PRKRIP1: variants seen among roughly 807,000 people sequenced by gnomAD.
The protein encoded by PRKRIP1 is PRKR-interacting protein 1.
PRKRIP1 carries 29 observed loss-of-function variants against 29.3 expected under a neutral mutation model. That is an observed-to-expected ratio of 0.99 (90% CI 0.74 to 1.35). The LOEUF (loss-of-function observed/expected upper bound fraction) is 1.35. Among genes scored for constraint, PRKRIP1 ranks in the 40% most tolerant of loss-of-function variants. The pLI, the probability that PRKRIP1 is intolerant of heterozygous loss-of-function variation, is 0.00. For missense variants in PRKRIP1, 247 were observed against 236.8 expected (o/e 1.04, Z -0.28); for synonymous variants, 90 against 85.1 (o/e 1.06, Z -0.32).
intron 5 of PRKRIP1, among the ~76,000 whole-genome samples, chr7:102,408,552 G>T (rs2133181177): frequency 6.6e-6 from 1 of 151,590 alleles, no homozygotes; most frequent in South Asian, 2.1e-4. Context: ...GAATAAGGGT[G>T]GGGGGCCCCA....
Position 102,397,706 on chromosome 7 carries a change from CTGTGTGTGTGTGTGTGTGTG to C in PRKRIP1, c.205+20_205+39del. The C allele has an allele frequency of 2.3e-6, 3 of 1,330,006 alleles. No homozygotes were observed. The highest frequency in any genetic ancestry group is 3.1e-6 in the Non-Finnish European group (3 of 956,906). The allele number at this position is 1,330,006 out of a possible 1,614,324, so 82.4% of individuals were successfully genotyped here. A position where few individuals can be genotyped will look rare whatever the true frequency, so the allele number is the denominator to read the frequency against. ...TTGTCCGAGATGTCATGGGTAATGG[CTGTGTGTGTGTGTGTGTGTG>C]TGTGTGTGTGTAAATATAATTTTTT... On this transcript the variant is annotated intron_variant, in intron 2 of 5. Coordinates refer to ENST00000397912, the MANE Select transcript of PRKRIP1 (RefSeq NM_024653.4).
chr7:102,408,118 T>C (rs1347087578), intron 5 of PRKRIP1, among the ~76,000 whole-genome samples: 1 of 152,146 alleles, frequency 6.6e-6, no homozygotes, highest in East Asian at 1.9e-4. Flanking sequence ...TTCCCTGGCC[T>C]TTACCCTGAG....
rs1796263344 is a variant in PRKRIP1, at chr7:102,407,450, A to G, written c.409A>G (p.Lys137Glu). 3 of 1,611,046 alleles carry G rather than the reference A, an allele frequency of 1.9e-6. No homozygotes were observed. Among genetic ancestry groups the G allele is most frequent in the Non-Finnish European group, 2.5e-6 (3 of 1,177,160 alleles). The change falls in exon 5 of 6, where the codon AAG becomes GAG. Residue 137 changes from lysine to glutamate, a missense_variant. Around this residue, in one of 3 missense-constraint regions of PRKRIP1, gnomAD observed 134 missense variants for 126.6 expected, o/e 1.06. Coordinates refer to ENST00000397912, the MANE Select transcript of PRKRIP1 (RefSeq NM_024653.4). Reference protein sequence around the residue: ...RRKKRQKLKEKKLLAKKMKLE... With the variant: ...RRKKRQKLKEEKLLAKKMKLE... ...CATTTTTAGCCAGAAGTTAAAAGAG[A>G]AGAAATTACTGGCAAAGAAGATGAA... is the stretch of plus-strand genomic sequence containing the variant.
intron 5 of PRKRIP1, among the ~76,000 whole-genome samples, chr7:102,410,712 T>C (rs1796359398): frequency 6.6e-6 from 1 of 152,216 alleles, no homozygotes; most frequent in South Asian, 2.1e-4. Flanking sequence ...TTTAGGATTT[T>C]TGCCAGTGTT....
chr7:102,411,621 G>A (rs1796384570), intron 5 of PRKRIP1, among the ~76,000 whole-genome samples: 1 of 152,064 alleles, frequency 6.6e-6, no homozygotes, highest in African/African-American at 2.4e-5. Flanking sequence ...CTCACCTAAG[G>A]TGATCCGCCC....
chr7:102,397,567 A>G, intron 1 of PRKRIP1, 53 bp from the exon 2 acceptor site: 2 of 1,420,118 alleles, frequency 1.4e-6, no homozygotes, highest in Non-Finnish European at 2.0e-6. Flanking sequence ...AGGGAGATAT[A>G]TAATTTTGTC....
rs1554574344 is a variant in PRKRIP1 at position 102,425,529 on chromosome 7, A to G, written c.*418A>G. 3.4e-6 allele frequency: 1 copy of G among 292,900 alleles called. No homozygotes were observed. Among genetic ancestry groups the G allele is most frequent in the Non-Finnish European group, 6.6e-6 (1 of 151,742 alleles). The allele number at this position is 292,900 out of a possible 1,614,324, so 18.1% of individuals were successfully genotyped here. A position where few individuals can be genotyped will look rare whatever the true frequency, so the allele number is the denominator to read the frequency against. ...ATGCCACCATTCCCACGGGGACTGA[A>G]GACACATTACGTGGACCTGGTCCCA... On this transcript the variant is annotated 3_prime_UTR_variant, in exon 6 of 6. Coordinates refer to ENST00000397912, the MANE Select transcript of PRKRIP1 (RefSeq NM_024653.4).
At chr7:102,402,511 A>C (rs1554571302) in intron 3 of PRKRIP1, among the ~76,000 whole-genome samples, 1 of 152,054 alleles carries the variant, frequency 6.6e-6, no homozygotes, top group Non-Finnish European at 1.5e-5. Context: ...CAGAAGAAAC[A>C]CTTTTATAAA....
At chr7:102,413,383 A>G (rs569143602) in intron 5 of PRKRIP1, among the ~76,000 whole-genome samples, 5 of 152,236 alleles carry the variant, frequency 3.3e-5, no homozygotes, top group African/African-American at 1.2e-4. Flanking sequence ...TTGGAAAACT[A>G]CCCACGTCCT....
At chr7:102,422,719 C>T (rs1796728243) in intron 5 of PRKRIP1, among the ~76,000 whole-genome samples, 1 of 152,128 alleles carries the variant, frequency 6.6e-6, no homozygotes, top group Non-Finnish European at 1.5e-5. Context: ...TCGAGTGATC[C>T]ACCTGCCTCG....
intron 5 of PRKRIP1, among the ~76,000 whole-genome samples, chr7:102,413,842 G>C (rs1186346798): frequency 6.6e-6 from 1 of 152,162 alleles, no homozygotes; most frequent in Non-Finnish European, 1.5e-5. Flanking sequence ...TTCAGTTGCA[G>C]TCAGTGGCAT....
At chr7:102,398,701 G>C (rs996824985) in intron 2 of PRKRIP1, among the ~76,000 whole-genome samples, 2 of 152,190 alleles carry the variant, frequency 1.3e-5, no homozygotes, top group Non-Finnish European at 2.9e-5. Flanking sequence ...GATGGTGCGG[G>C]TTTAGTTCCA....
At chr7:102,407,911 CA>C (rs1347951438) in intron 5 of PRKRIP1, among the ~76,000 whole-genome samples, 17 of 152,306 alleles carry the variant, frequency 1.1e-4, no homozygotes, top group Non-Finnish European at 2.2e-4. Flanking sequence ...GCTTTCCTAG[CA>C]AAAGTCTTTT....
chr7:102,416,437 A>G (rs1464178897), intron 5 of PRKRIP1, among the ~76,000 whole-genome samples: 1 of 152,126 alleles, frequency 6.6e-6, no homozygotes, highest in African/African-American at 2.4e-5. Flanking sequence ...TCCAGAATCC[A>G]ATCCAGGGCA....
chr7:102,421,746 A>G (rs1317878454), intron 5 of PRKRIP1, among the ~76,000 whole-genome samples: 1 of 151,978 alleles, frequency 6.6e-6, no homozygotes, highest in African/African-American at 2.4e-5. Flanking sequence ...GCAGTGAGCC[A>G]AGATCGCGCC....
chr7:102,409,299 T>A (rs1430998388), intron 5 of PRKRIP1, among the ~76,000 whole-genome samples: 2 of 152,204 alleles, frequency 1.3e-5, no homozygotes, highest in African/African-American at 4.8e-5. Flanking sequence ...TAGAAGAAAT[T>A]ATTTTAAATT....
chr7:102,407,488 G>C lies in PRKRIP1; in HGVS notation c.447G>C (p.Lys149Asn), dbSNP rs1383175776. The C allele has an allele frequency of 1.2e-6, 2 of 1,612,552 alleles. No homozygotes were observed. The highest frequency in any genetic ancestry group is 2.7e-5 in the African/African-American group (2 of 74,876). Reference protein sequence around the residue: ...LLAKKMKLEQKKQEGPGQPKE... With the variant: ...LLAKKMKLEQNKQEGPGQPKE... ...CAAAGAAGATGAAACTTGAACAGAA[G>C]AAACAAGAAGGTGAGTGGTGCCCAC... Residue 149 changes from lysine (K) to asparagine (N), a missense_variant, in exon 5 of 6, where the codon AAG (lysine) becomes AAC (asparagine). Lys to Asn is a moderately conservative substitution (Grantham distance 94, BLOSUM62 0). Coordinates refer to ENST00000397912, the MANE Select transcript of PRKRIP1 (RefSeq NM_024653.4).
At chr7:102,415,018 T>A (rs1394752677) in intron 5 of PRKRIP1, among the ~76,000 whole-genome samples, 6 of 152,210 alleles carry the variant, frequency 3.9e-5, no homozygotes, top group Non-Finnish European at 7.3e-5. Flanking sequence ...CCCCAGTTTT[T>A]ACCATTGACA....
intron 2 of PRKRIP1, among the ~76,000 whole-genome samples, chr7:102,399,121 CA>C (rs1167825264): frequency 2.0e-5 from 3 of 150,660 alleles, no homozygotes; most frequent in Admixed American, 6.6e-5. Flanking sequence ...GGCCCTGTCT[CA>C]AAAAAAAGAA....
Sources: gnomAD v4.1 joint callset for allele counts (sites outside exome capture counted in the v4.1 genomes callset) on GRCh38, gnomAD v4.1.1 for gene constraint, gnomAD v4.1.1 regional missense constraint, MANE v1.5 for transcripts, NCBI Gene and HGNC (gene_info 2026-07-23, HGNC 2026-07-21) for gene names.